MAP7: variants seen among roughly 807,000 people sequenced by gnomAD.
MAP7 encodes the protein microtubule associated protein 7.
Under a neutral mutation model 94.8 loss-of-function variants are expected in MAP7, and 52 were observed. The ratio of observed to expected loss-of-function variants is 0.55; its 90% CI spans 0.44 to 0.69. The LOEUF is 0.69. Among genes scored for constraint, MAP7 ranks in the 30% least tolerant of loss-of-function variants. The pLI, the probability that MAP7 is intolerant of heterozygous loss-of-function variation, is 0.00. For synonymous variants in MAP7, 350 were observed against 357.0 expected, an observed-to-expected ratio of 0.98 and a Z score of 0.22; for missense variants, 940 against 964.6, an observed-to-expected ratio of 0.97 and a Z score of 0.34.
chr6:136,421,400 T>C (rs975575618), intron 2 of MAP7, among the ~76,000 whole-genome samples: 1 of 152,170 alleles, frequency 6.6e-6, no homozygotes, highest in Non-Finnish European at 1.5e-5. Flanking sequence ...ATTAAATGAG[T>C]GCATCCACAT....
intron 1 of MAP7, among the ~76,000 whole-genome samples, chr6:136,427,860 A>G (rs1793648807): frequency 6.6e-6 from 1 of 152,252 alleles, no homozygotes; most frequent in Non-Finnish European, 1.5e-5. Flanking sequence ...AGCAATGACA[A>G]TGACTGAAAG....
intron 3 of MAP7, among the ~76,000 whole-genome samples, chr6:136,390,154 C>T (rs1314133241): frequency 6.6e-6 from 1 of 152,056 alleles, no homozygotes; most frequent in African/African-American, 2.4e-5. Flanking sequence ...ATTTTTTCTT[C>T]TTTATATAAT....
At chr6:136,546,831 C>A (rs1341910596) in intron 1 of MAP7, among the ~76,000 whole-genome samples, 1 of 152,124 alleles carries the variant, frequency 6.6e-6, no homozygotes, top group East Asian at 1.9e-4. Flanking sequence ...CATTGGGAGG[C>A]AAAGATGTTA....
At chr6:136,419,812 C>T in intron 2 of MAP7, 1 of 320,216 alleles carries the variant, frequency 3.1e-6, no homozygotes, top group Non-Finnish European at 6.0e-6. Context: ...TGTAAGAGCC[C>T]TGGACAATTT....
chr6:136,538,798 C>CAAAA (rs397836178), intron 1 of MAP7, among the ~76,000 whole-genome samples: 68 of 65,768 alleles, frequency 1.0e-3, no homozygotes, highest in African/African-American at 3.2e-3. Flanking sequence ...GATTTTGTCT[C>CAAAA]AAAAAAAAAA....
intron 1 of MAP7, among the ~76,000 whole-genome samples, chr6:136,525,125 CAAG>C (rs1827466531): frequency 6.6e-6 from 1 of 152,346 alleles, no homozygotes; most frequent in African/African-American, 2.4e-5. Flanking sequence ...CACAGGCTCT[CAAG>C]AAGCTGGTAA....
intron 1 of MAP7, among the ~76,000 whole-genome samples, chr6:136,513,286 C>T (rs1823795165): frequency 6.6e-6 from 1 of 152,240 alleles, no homozygotes. Flanking sequence ...TCTATCCTCT[C>T]AAACCCTGCT....
chr6:136,518,471 A>C (rs1015684938), intron 1 of MAP7, among the ~76,000 whole-genome samples: 1 of 152,230 alleles, frequency 6.6e-6, no homozygotes, highest in Non-Finnish European at 1.5e-5. Context: ...CATCTGTGAC[A>C]CACTTTGGGC....
chr6:136,548,670 C>G (rs1334563290), intron 1 of MAP7, among the ~76,000 whole-genome samples: 1 of 152,188 alleles, frequency 6.6e-6, no homozygotes, highest in African/African-American at 2.4e-5. Flanking sequence ...CCTTAACATG[C>G]TCAGGCACTG....
Position 136,520,627 on chromosome 6 carries a change from C to T in MAP7, c.67+29715G>A, listed in dbSNP as rs189851504. Among the ~76,000 whole-genome samples the T allele has an allele frequency of 4.6e-5, 7 of 152,322 alleles. No individual in the cohort carries two copies. In the East Asian group the frequency reaches 1.2e-3, roughly 25 times the overall value. Reference sequence around the variant, plus strand: ...AGTGCGGAAGGAGCACAGTGAGGGGCTGCCCTTTGTGCCAGGAATGAGGAG... The same window carrying T: ...AGTGCGGAAGGAGCACAGTGAGGGGTTGCCCTTTGTGCCAGGAATGAGGAG... On this transcript the variant is annotated intron_variant, in intron 1 of 17. Transcript: ENST00000354570.
At chr6:136,402,905 C>CAAAAAAAAAAAAAAA (rs57114676) in intron 3 of MAP7, among the ~76,000 whole-genome samples, 14 of 67,390 alleles carry the variant, frequency 2.1e-4, no homozygotes, top group African/African-American at 6.2e-4. Flanking sequence ...GACTCTGTCT[C>CAAAAAAAAAAAAAAA]AAAAAAAAAA....
In MAP7 at chr6:136,492,916, T is replaced by C. The variant is rs112189795; in HGVS notation, c.67+57426A>G. Among the ~76,000 whole-genome samples, 1,081 of 152,166 alleles carry C rather than the reference T, an allele frequency of 7.1e-3. 15 individuals carry two copies. The highest frequency in any genetic ancestry group is 0.025 in the African/African-American group (1,033 of 41,516). On this transcript the variant is annotated intron_variant, in intron 1 of 17. Transcript: ENST00000354570. Reference sequence around the variant, plus strand: ...CTGGACAGAAATAGTGTATATATATTTGTATAATTTTATTATGTAAAATTA... The same window carrying C: ...CTGGACAGAAATAGTGTATATATATCTGTATAATTTTATTATGTAAAATTA...
At chr6:136,444,952 C>T (rs193255138) in intron 1 of MAP7, among the ~76,000 whole-genome samples, 3 of 152,184 alleles carry the variant, frequency 2.0e-5, no homozygotes, top group Non-Finnish European at 4.4e-5. Context: ...CTACTCTCTA[C>T]TCTGTAGAGG....
chr6:136,375,966 A>G (rs2128617307), intron 7 of MAP7, among the ~76,000 whole-genome samples: 1 of 152,342 alleles, frequency 6.6e-6, no homozygotes, highest in African/African-American at 2.4e-5. Flanking sequence ...AAGTGACAAG[A>G]GTTAGTGATG....
chr6:136,438,190 T>C (rs537217538), intron 1 of MAP7, among the ~76,000 whole-genome samples: 8 of 152,284 alleles, frequency 5.3e-5, no homozygotes, highest in East Asian at 1.9e-4. Context: ...AGAAAAAACA[T>C]AGTAACAGCA....
chr6:136,523,217 A>T (rs573340185), intron 1 of MAP7, among the ~76,000 whole-genome samples: 69 of 152,378 alleles, frequency 4.5e-4, no homozygotes, highest in African/African-American at 1.6e-3. Flanking sequence ...CATGCAGTAC[A>T]GAGGCTGTCT....
chr6:136,507,558 A>C (rs73569835), intron 1 of MAP7, among the ~76,000 whole-genome samples: 323 of 152,262 alleles, frequency 2.1e-3, no homozygotes, highest in African/African-American at 7.2e-3. Flanking sequence ...ACATTTAAAA[A>C]AACACAAAAT....
At chr6:136,508,050 G>A (rs1332830103) in intron 1 of MAP7, among the ~76,000 whole-genome samples, 3 of 152,196 alleles carry the variant, frequency 2.0e-5, no homozygotes, top group Non-Finnish European at 4.4e-5. Context: ...TTCAGGCTGG[G>A]TGCAGTGGTG....
At chr6:136,524,497 G>A (rs1361752618) in intron 1 of MAP7, among the ~76,000 whole-genome samples, 1 of 152,128 alleles carries the variant, frequency 6.6e-6, no homozygotes. Flanking sequence ...GTAATTCACA[G>A]GCAAATAAAA....
Sources: allele counts gnomAD v4.1 joint callset (sites outside exome capture counted in the v4.1 genomes callset), GRCh38; gene constraint gnomAD v4.1.1; transcripts MANE v1.5; gene names NCBI Gene and HGNC (gene_info 2026-07-23, HGNC 2026-07-21).